Variants in NCAPG2 observed in about 807,000 individuals in gnomAD.
NCAPG2 encodes condensin-2 complex subunit G2.
NCAPG2 carries 53 observed loss-of-function variants against 141.1 expected under a neutral mutation model. That is an observed-to-expected ratio of 0.38 (90% CI 0.30 to 0.47). The LOEUF is 0.47. Among genes scored for constraint, NCAPG2 ranks in the 20% least tolerant of loss-of-function variants. The pLI, the probability that NCAPG2 is intolerant of heterozygous loss-of-function variation, is 0.99. For missense variants in NCAPG2, 1,087 were observed against 1,389.0 expected (o/e 0.78, Z 3.46); for synonymous variants, 499 against 490.7 (o/e 1.02, Z -0.22).
intron 23 of NCAPG2, 50 bp from the exon 24 acceptor site, chr7:158,651,022 G>GA (rs767521915): frequency 2.5e-5 from 37 of 1,505,420 alleles, no homozygotes; most frequent in South Asian, 2.1e-4. Flanking sequence ...CCATGGTTTT[G>GA]AAAAAAACAA....
Position 158,631,627 on chromosome 7 carries a change from CT to C in NCAPG2, c.*38del. On this transcript the variant is annotated 3_prime_UTR_variant, in exon 28 of 28. Transcript: ENST00000356309. ...TACACAGGCATTTCAATTTGAATCA[CT>C]TTTCCCTATTTTTACATGTCTGGAG... is the stretch of plus-strand genomic sequence containing the variant. The C allele has an allele frequency of 1.3e-6, 2 of 1,508,830 alleles. No individual in the cohort carries two copies. The highest frequency in any genetic ancestry group is 1.8e-6 in the Non-Finnish European group (2 of 1,086,284). 93.5% of individuals were successfully genotyped at this position (1,508,830 alleles called of 1,614,324 possible).
chr7:158,657,884 G>A (rs1182935191), intron 17 of NCAPG2, among the ~76,000 whole-genome samples: 1 of 151,974 alleles, frequency 6.6e-6, no homozygotes, highest in African/African-American at 2.4e-5. Flanking sequence ...AACATGTGCT[G>A]TGTCCACTCA....
chr7:158,650,595 TTC>T lies in NCAPG2; in HGVS notation c.3075+235_3075+236del, dbSNP rs542987073. On this transcript the variant is annotated intron_variant, in intron 24 of 27. Coordinates refer to ENST00000356309, the MANE Select transcript of NCAPG2 (RefSeq NM_017760.7). ...GCATGTTCAAATGTAAGGACTATAT[TTC>T]TGTTTTAATCAAGAGTGATAATATC... 1.1e-4 allele frequency among the ~76,000 whole-genome samples: 16 copies of T among 152,320 alleles called. No homozygotes were observed. The South Asian group carries it at 3.3e-3, about 32-fold the overall frequency.
intron 13 of NCAPG2, among the ~76,000 whole-genome samples, chr7:158,666,543 C>A (rs1363399452): frequency 4.0e-5 from 6 of 151,366 alleles, no homozygotes; most frequent in Non-Finnish European, 7.4e-5. Context: ...AAGATCATAG[C>A]ACTTTTATCT....
intron 8 of NCAPG2, among the ~76,000 whole-genome samples, chr7:158,683,714 G>A (rs1426728779): frequency 6.6e-6 from 1 of 152,204 alleles, no homozygotes; most frequent in Non-Finnish European, 1.5e-5. Flanking sequence ...CATGGTGAGT[G>A]TGGAGCCCCC....
In NCAPG2 at chr7:158,693,281, T is replaced by G. The variant is rs762742067; in HGVS notation, c.267+28A>C. On this transcript the variant is annotated intron_variant, in intron 3 of 27. Coordinates refer to ENST00000356309, the MANE Select transcript of NCAPG2 (RefSeq NM_017760.7). ...TTTTGACAAAAAAAAGAGAAAAACG[T>G]TTCTTATTTTTGAAAAACAAATACT... 3 of 1,582,164 alleles carry G rather than the reference T, an allele frequency of 1.9e-6. No homozygotes were observed. The South Asian group carries it at 3.5e-5, about 19-fold the overall frequency.
At chr7:158,671,702 G>A (rs1433866638) in intron 12 of NCAPG2, 36 bp from the exon 13 acceptor site, 1 of 1,604,334 alleles carries the variant, frequency 6.2e-7, no homozygotes, top group African/African-American at 1.3e-5. Flanking sequence ...TTCAAAATCA[G>A]AACATGCCAA....
intron 26 of NCAPG2, among the ~76,000 whole-genome samples, chr7:158,645,229 A>ACTTAATG (rs1362803016): frequency 1.3e-5 from 2 of 151,746 alleles, no homozygotes; most frequent in African/African-American, 4.8e-5. Flanking sequence ...GCCGAGGCAC[A>ACTTAATG]GACAGGAACA....
At chr7:158,663,834 C>T (rs555241441) in intron 15 of NCAPG2, among the ~76,000 whole-genome samples, 3 of 152,278 alleles carry the variant, frequency 2.0e-5, no homozygotes, top group Non-Finnish European at 4.4e-5. Flanking sequence ...GAAATTGTCC[C>T]TTTAATAAAT....
chr7:158,670,955 AG>A (rs1833643644), intron 13 of NCAPG2, among the ~76,000 whole-genome samples: 1 of 152,232 alleles, frequency 6.6e-6, no homozygotes, highest in Non-Finnish European at 1.5e-5. Context: ...GAACATTATA[AG>A]CAATATTCTT....
chr7:158,631,551 C>A lies in NCAPG2; in HGVS notation c.*115G>T. On this transcript the variant is annotated 3_prime_UTR_variant, in exon 28 of 28. Coordinates refer to ENST00000356309, the MANE Select transcript of NCAPG2 (RefSeq NM_017760.7). ...CCTTCCCACATTCCCACAAAAAAAT[C>A]CCACCCTTTCCCTATTATATGGGTT... is the stretch of plus-strand genomic sequence containing the variant. The A allele has an allele frequency of 9.8e-7, 1 of 1,023,334 alleles. No individual in the cohort carries two copies. Among genetic ancestry groups the A allele is most frequent in the Non-Finnish European group, 1.5e-6 (1 of 667,092 alleles). The allele number at this position is 1,023,334 out of a possible 1,614,324, so 63.4% of individuals were successfully genotyped here. A position where few individuals can be genotyped will look rare whatever the true frequency, so the allele number is the denominator to read the frequency against.
intron 4 of NCAPG2, 85 bp from the exon 5 acceptor site, chr7:158,690,807 T>A: frequency 1.6e-6 from 2 of 1,246,938 alleles, no homozygotes; most frequent in Non-Finnish European, 1.1e-6. Flanking sequence ...CATGACTTTA[T>A]ATATTATTTA....
rs777448153 is a variant in NCAPG2, at chr7:158,655,466, A to G, written c.2389-11T>C. On this transcript the variant is annotated splice_polypyrimidine_tract_variant and intron_variant, in intron 19 of 27. Coordinates refer to ENST00000356309, the MANE Select transcript of NCAPG2 (RefSeq NM_017760.7). ...TGACTCCAGATCTGCCTGTAATAGA[A>G]AAAACCCAAGGGCCACATGCTGACT... 1 of 1,611,428 alleles carries G rather than the reference A, an allele frequency of 6.2e-7. No homozygotes were observed. Among genetic ancestry groups the G allele is most frequent in the Non-Finnish European group, 8.5e-7 (1 of 1,177,702 alleles).
At chr7:158,697,462 G>A (rs930146977) in intron 2 of NCAPG2, among the ~76,000 whole-genome samples, 1 of 152,174 alleles carries the variant, frequency 6.6e-6, no homozygotes, top group African/African-American at 2.4e-5. Flanking sequence ...ATTAGCCGGT[G>A]TGGTGGCGTG....
At chr7:158,688,167 A>G (rs1261990240) in intron 6 of NCAPG2, among the ~76,000 whole-genome samples, 1 of 98,846 alleles carries the variant, frequency 1.0e-5, no homozygotes, top group Non-Finnish European at 2.0e-5. Context: ...CATGCTCACA[A>G]CAGGCAAGTT....
intron 12 of NCAPG2, among the ~76,000 whole-genome samples, chr7:158,675,184 T>C (rs2129466034): frequency 6.6e-6 from 1 of 152,372 alleles, no homozygotes; most frequent in East Asian, 1.9e-4. Context: ...CAAGATTCTA[T>C]GCAAAGCATA....
intron 21 of NCAPG2, 158 bp from the exon 22 acceptor site, chr7:158,654,852 C>G: frequency 7.4e-7 from 1 of 1,345,162 alleles, no homozygotes; most frequent in Non-Finnish European, 9.7e-7. Flanking sequence ...TACATTAATT[C>G]TTGTTTTTGT....
chr7:158,673,295 A>G (rs1021778897), intron 12 of NCAPG2, among the ~76,000 whole-genome samples: 6 of 152,226 alleles, frequency 3.9e-5, no homozygotes, highest in Admixed American at 3.9e-4. Context: ...ATGGTCATCA[A>G]CTCAGCAGTG....
intron 13 of NCAPG2, chr7:158,668,547 C>A: frequency 1.6e-6 from 1 of 608,788 alleles, no homozygotes; most frequent in Non-Finnish European, 2.1e-6. Context: ...AATAGTCCGG[C>A]AGTGTGGCCT....
Sources: allele counts gnomAD v4.1 joint callset (sites outside exome capture counted in the v4.1 genomes callset), GRCh38; gene constraint gnomAD v4.1.1; transcripts MANE v1.5; gene names NCBI Gene and HGNC (gene_info 2026-07-23, HGNC 2026-07-21).